ZNF804A: variants seen among roughly 807,000 people sequenced by gnomAD.
ZNF804A encodes zinc finger protein 804A.
In ZNF804A, 2 loss-of-function variants were observed where a neutral mutation model predicts 16.5. The ratio of observed to expected loss-of-function variants is 0.12; its 90% CI spans 0.05 to 0.38. The LOEUF is 0.38. Among genes scored for constraint, ZNF804A ranks in the 10% least tolerant of loss-of-function variants. ZNF804A has a pLI of 0.99. For synonymous variants in ZNF804A, 534 were observed against 489.6 expected (o/e 1.09, Z -1.20); for missense variants, 1,473 against 1,390.7 (o/e 1.06, Z -0.94).
chr2:184,771,484 T>G (rs1314796109), intron 1 of ZNF804A, among the ~76,000 whole-genome samples: 1 of 151,830 alleles, frequency 6.6e-6, no homozygotes, highest in Non-Finnish European at 1.5e-5. Flanking sequence ...GGGTGGCTCA[T>G]GCCTGTAATC....
chr2:184,678,808 C>T (rs1352616218), intron 1 of ZNF804A, among the ~76,000 whole-genome samples: 1 of 152,076 alleles, frequency 6.6e-6, no homozygotes, highest in Non-Finnish European at 1.5e-5. Context: ...ACACTATATA[C>T]TGAAGAGGAA....
intron 1 of ZNF804A, among the ~76,000 whole-genome samples, chr2:184,847,297 A>G (rs759587161): frequency 7.2e-5 from 11 of 152,086 alleles, no homozygotes; most frequent in Non-Finnish European, 4.4e-5. Context: ...TAAAGACCTT[A>G]CATCTAAATG....
intron 1 of ZNF804A, among the ~76,000 whole-genome samples, chr2:184,804,176 T>C (rs1369900136): frequency 6.6e-6 from 1 of 152,128 alleles, no homozygotes; most frequent in East Asian, 1.9e-4. Context: ...TTCTGTCTGT[T>C]ATAAGGACAT....
chr2:184,774,480 G>A (rs1463010902), intron 1 of ZNF804A, among the ~76,000 whole-genome samples: 1 of 151,800 alleles, frequency 6.6e-6, no homozygotes, highest in Non-Finnish European at 1.5e-5. Flanking sequence ...CTGGGAAAAA[G>A]TGGAGAAAGT....
chr2:184,805,557 C>T (rs1343619341), intron 1 of ZNF804A, among the ~76,000 whole-genome samples: 2 of 151,856 alleles, frequency 1.3e-5, no homozygotes, highest in Non-Finnish European at 2.9e-5. Context: ...AGAATATCAC[C>T]AAAGGAAAAG....
chr2:184,713,373 A>G (rs1197932564), intron 1 of ZNF804A, among the ~76,000 whole-genome samples: 1 of 151,908 alleles, frequency 6.6e-6, no homozygotes, highest in Non-Finnish European at 1.5e-5. Flanking sequence ...GCTAAATTGA[A>G]TTTCATTTTC....
chr2:184,813,993 CTTTTTTTTTTTT>C (rs1163432699), intron 1 of ZNF804A, among the ~76,000 whole-genome samples: 20 of 49,196 alleles, frequency 4.1e-4, no homozygotes, highest in African/African-American at 7.0e-4. Flanking sequence ...AGAAAGGCAG[CTTTTTTTTTTTT>C]TTTTTTTTTT....
intron 2 of ZNF804A, among the ~76,000 whole-genome samples, chr2:184,867,595 T>G (rs1035536399): frequency 1.3e-5 from 2 of 152,134 alleles, no homozygotes; most frequent in Non-Finnish European, 2.9e-5. Context: ...CTTAGCTTAA[T>G]GATCTGTCCT....
intron 1 of ZNF804A, among the ~76,000 whole-genome samples, chr2:184,614,738 G>A (rs887630744): frequency 1.3e-5 from 2 of 152,138 alleles, no homozygotes; most frequent in African/African-American, 4.8e-5. Context: ...GATGTGAACA[G>A]ACACTTCTGA....
At chr2:184,640,042 A>T (rs1035912626) in intron 1 of ZNF804A, among the ~76,000 whole-genome samples, 1 of 152,054 alleles carries the variant, frequency 6.6e-6, no homozygotes, top group Non-Finnish European at 1.5e-5. Context: ...AAATAAAAAA[A>T]AATAGAGATC....
At chr2:184,657,859 G>A (rs1692106673) in intron 1 of ZNF804A, among the ~76,000 whole-genome samples, 1 of 152,172 alleles carries the variant, frequency 6.6e-6, no homozygotes, top group African/African-American at 2.4e-5. Flanking sequence ...TTAACAGGCT[G>A]TGGAAGGAGA....
chr2:184,769,285 C>T (rs1213738249), intron 1 of ZNF804A, among the ~76,000 whole-genome samples: 1 of 152,068 alleles, frequency 6.6e-6, no homozygotes, highest in East Asian at 1.9e-4. Context: ...GTTCTGGCAA[C>T]AGGCTCCCGA....
intron 1 of ZNF804A, among the ~76,000 whole-genome samples, chr2:184,773,274 T>C (rs1175304158): frequency 6.6e-6 from 1 of 151,828 alleles, no homozygotes; most frequent in African/African-American, 2.4e-5. Flanking sequence ...TTTGTTTTTT[T>C]AACCTGGTCA....
intron 2 of ZNF804A, among the ~76,000 whole-genome samples, chr2:184,894,029 T>G (rs1390003095): frequency 6.6e-6 from 1 of 152,126 alleles, no homozygotes; most frequent in South Asian, 2.1e-4. Context: ...TCATAAAACC[T>G]TCCAATTTTT....
intron 1 of ZNF804A, among the ~76,000 whole-genome samples, chr2:184,678,325 T>C (rs1325510725): frequency 6.6e-6 from 1 of 152,130 alleles, no homozygotes; most frequent in Non-Finnish European, 1.5e-5. Context: ...TGTGCTATAC[T>C]GGTATTTCCA....
rs138681365 is a variant in ZNF804A at position 184,644,997 on chromosome 2, A to G, written c.111+45927A>G. On this transcript the variant is annotated intron_variant, in intron 1 of 3. Coordinates refer to ENST00000302277, the MANE Select transcript of ZNF804A (RefSeq NM_194250.2). ...TTCCTTTTTTCATATATTTGGCTTC[A>G]TAATTATCACCTGCTTGTAGTGTAA... 9.2e-3 allele frequency among the ~76,000 whole-genome samples: 1,392 copies of G among 152,114 alleles called. 23 individuals are homozygous for G. The highest frequency in any genetic ancestry group is 0.032 in the African/African-American group (1,326 of 41,532).
At chr2:184,689,134 G>T (rs546932603) in intron 1 of ZNF804A, among the ~76,000 whole-genome samples, 9 of 152,198 alleles carry the variant, frequency 5.9e-5, no homozygotes, top group African/African-American at 1.4e-4. Context: ...ATCAAGCTTT[G>T]AATCGATGGG....
intron 1 of ZNF804A, among the ~76,000 whole-genome samples, chr2:184,606,573 T>C (rs1691149974): frequency 6.6e-6 from 1 of 152,142 alleles, no homozygotes. Flanking sequence ...ATGAAGGTAT[T>C]TTGTAGAAAC....
chr2:184,848,055 A>G (rs1695546427), intron 1 of ZNF804A, among the ~76,000 whole-genome samples: 2 of 151,910 alleles, frequency 1.3e-5, no homozygotes, highest in Non-Finnish European at 2.9e-5. Flanking sequence ...TAACGTCATT[A>G]GCCATTGATG....
Sources: allele counts gnomAD v4.1 joint callset (sites outside exome capture counted in the v4.1 genomes callset), GRCh38; gene constraint gnomAD v4.1.1; transcripts MANE v1.5; gene names NCBI Gene and HGNC (gene_info 2026-07-23, HGNC 2026-07-21).